Variants in ASTN2 observed in about 807,000 individuals in gnomAD.
The protein encoded by ASTN2 is astrotactin-2.
ASTN2 carries 54 observed loss-of-function variants against 139.8 expected under a neutral mutation model. The ratio of observed to expected loss-of-function variants is 0.39; its 90% CI spans 0.31 to 0.48. The LOEUF is 0.48. Among genes scored for constraint, ASTN2 ranks in the 20% least tolerant of loss-of-function variants. The pLI, the probability that ASTN2 is intolerant of heterozygous loss-of-function variation, is 0.95. For missense variants in ASTN2, 1,565 were observed against 1,725.1 expected (o/e 0.91, Z 1.64); for synonymous variants, 756 against 719.5 (o/e 1.05, Z -0.81).
chr9:116,848,448 A>G (rs1365778181), intron 11 of ASTN2, among the ~76,000 whole-genome samples: 3 of 152,170 alleles, frequency 2.0e-5, no homozygotes, highest in African/African-American at 7.2e-5. Flanking sequence ...CCCTCCTCAA[A>G]GCAAACCTAT....
intron 19 of ASTN2, among the ~76,000 whole-genome samples, chr9:116,503,686 C>A (rs1447740029): frequency 6.6e-6 from 1 of 152,100 alleles, no homozygotes; most frequent in Non-Finnish European, 1.5e-5. Context: ...TGCACACATA[C>A]ATACTGCAAT....
chr9:116,471,047 T>C (rs912890326), intron 20 of ASTN2, among the ~76,000 whole-genome samples: 7 of 152,220 alleles, frequency 4.6e-5, no homozygotes, highest in African/African-American at 1.4e-4. Flanking sequence ...AAAATGATTT[T>C]TTAAATTGAT....
chr9:116,784,710 A>C (rs188380048), intron 13 of ASTN2, among the ~76,000 whole-genome samples: 386 of 152,158 alleles, frequency 2.5e-3, no homozygotes, highest in Non-Finnish European at 2.9e-3. Flanking sequence ...TGGGTGAATC[A>C]CCTGAAGTTG....
At chr9:116,818,748 T>C (rs952724302) in intron 12 of ASTN2, among the ~76,000 whole-genome samples, 10 of 152,218 alleles carry the variant, frequency 6.6e-5, no homozygotes, top group Non-Finnish European at 1.5e-4. Context: ...CAAATATTAA[T>C]GTAAATGGTA....
At chr9:117,368,543 T>C (rs935209360) in intron 1 of ASTN2, among the ~76,000 whole-genome samples, 3 of 152,162 alleles carry the variant, frequency 2.0e-5, no homozygotes, top group Non-Finnish European at 4.4e-5. Context: ...ATTTTTGCAA[T>C]GTGTGTAACA....
At chr9:117,008,963 C>T (rs922314111) in intron 6 of ASTN2, among the ~76,000 whole-genome samples, 18 of 152,052 alleles carry the variant, frequency 1.2e-4, no homozygotes, top group African/African-American at 4.1e-4. Flanking sequence ...AAGAAATCCC[C>T]AGCACCTCTA....
chr9:117,291,923 G>A (rs1405202091), intron 1 of ASTN2, among the ~76,000 whole-genome samples: 2 of 152,194 alleles, frequency 1.3e-5, no homozygotes, highest in Admixed American at 1.3e-4. Context: ...TTCTTTAGAA[G>A]TTGAGCTGGA....
chr9:116,549,225 A>G (rs1852232671), intron 19 of ASTN2, among the ~76,000 whole-genome samples: 1 of 151,788 alleles, frequency 6.6e-6, no homozygotes, highest in Non-Finnish European at 1.5e-5. Flanking sequence ...AAATAAAGAA[A>G]GAAGGAAATG....
intron 19 of ASTN2, among the ~76,000 whole-genome samples, chr9:116,602,631 G>A (rs781053018): frequency 6.6e-6 from 1 of 152,070 alleles, no homozygotes; most frequent in Non-Finnish European, 1.5e-5. Flanking sequence ...GGTATTATGG[G>A]TTTAAGAATG....
At chr9:116,482,648 C>T (rs774759597) in intron 20 of ASTN2, among the ~76,000 whole-genome samples, 2 of 152,046 alleles carry the variant, frequency 1.3e-5, no homozygotes, top group Admixed American at 6.6e-5. Context: ...AACTTGCTGT[C>T]GGACTCCCAA....
rs541867815 is a variant in ASTN2 at position 116,754,146 on chromosome 9, T to A, written c.2397-20623A>T. 1.4e-3 allele frequency among the ~76,000 whole-genome samples: 211 copies of A among 152,314 alleles called. 2 individuals are homozygous for A. Among genetic ancestry groups the A allele is most frequent in the African/African-American group, 5.0e-3 (209 of 41,564 alleles). On this transcript the variant is annotated intron_variant, in intron 13 of 22. Coordinates refer to ENST00000313400, the MANE Select transcript of ASTN2 (RefSeq NM_001365068.1). ...TCCCTGCAAAGGACATAACTCATCT[T>A]TTTTTATGGCTGCATAGTATTCCAT...
intron 4 of ASTN2, among the ~76,000 whole-genome samples, chr9:117,100,705 G>A (rs1454129972): frequency 6.6e-6 from 1 of 152,150 alleles, no homozygotes. Context: ...AGATGAATAA[G>A]CCACGACCTC....
Position 116,976,097 on chromosome 9 carries a change from C to G in ASTN2, c.1751+17G>C. The G allele has an allele frequency of 6.2e-7, 1 of 1,613,300 alleles. No individual in the cohort carries two copies. Among genetic ancestry groups the G allele is most frequent in the Non-Finnish European group, 8.5e-7 (1 of 1,179,292 alleles). Reference sequence around the variant, plus strand: ...TCCATTTCCCAGAATTATGCCCCAACAAGAAAGCCAACTCACCTGAGAATC... The same window carrying G: ...TCCATTTCCCAGAATTATGCCCCAAGAAGAAAGCCAACTCACCTGAGAATC... On this transcript the variant is annotated intron_variant, in intron 9 of 22. Coordinates refer to ENST00000313400, the MANE Select transcript of ASTN2 (RefSeq NM_001365068.1).
rs936690480 is a variant in ASTN2, at chr9:116,452,120, C to T, written c.3498-9567G>A. Among the ~76,000 whole-genome samples, 29 of 152,268 alleles carry T rather than the reference C, an allele frequency of 1.9e-4. 1 individual carries two copies. The Middle Eastern group carries it at 0.014, about 71-fold the overall frequency. ...TTAGGGTAAAGCAGACACAGACTAA[C>T]CTTATGGTCTCAAGTTAAGGAATGA... On this transcript the variant is annotated intron_variant, in intron 20 of 22. Transcript: ENST00000313400.
At chr9:117,147,448 C>A (rs1831922) in intron 3 of ASTN2, among the ~76,000 whole-genome samples, 6,782 of 150,882 alleles carry the variant, frequency 0.045, 511 homozygotes, top group African/African-American at 0.16. Flanking sequence ...AACACACACA[C>A]ACACACACAC....
chr9:116,978,877 A>G (rs1027176639), intron 7 of ASTN2, among the ~76,000 whole-genome samples: 4 of 152,170 alleles, frequency 2.6e-5, no homozygotes, highest in Non-Finnish European at 5.9e-5. Context: ...GCTATTTGCA[A>G]CTACATATTT....
At chr9:117,291,804 T>C (rs1834601571) in intron 1 of ASTN2, among the ~76,000 whole-genome samples, 1 of 152,240 alleles carries the variant, frequency 6.6e-6, no homozygotes, top group African/African-American at 2.4e-5. Context: ...TCTACTCTGA[T>C]AGTGGAATGA....
chr9:116,824,905 G>T (rs1831583446), intron 11 of ASTN2, among the ~76,000 whole-genome samples: 1 of 152,146 alleles, frequency 6.6e-6, no homozygotes, highest in South Asian at 2.1e-4. Flanking sequence ...GGTAAAATTT[G>T]TTTGGGAAAA....
At chr9:116,844,464 G>A (rs1365825741) in intron 11 of ASTN2, among the ~76,000 whole-genome samples, 3 of 152,130 alleles carry the variant, frequency 2.0e-5, no homozygotes, top group South Asian at 4.2e-4. Flanking sequence ...GGTCAAGCAA[G>A]CTTGGGCTTG....
Sources: gnomAD v4.1 joint callset for allele counts (sites outside exome capture counted in the v4.1 genomes callset) on GRCh38, gnomAD v4.1.1 for gene constraint, MANE v1.5 for transcripts, NCBI Gene and HGNC (gene_info 2026-07-23, HGNC 2026-07-21) for gene names.